Variants in MEGF8 observed in about 807,000 individuals in gnomAD.
The protein encoded by MEGF8 is multiple epidermal growth factor-like domains protein 8.
MEGF8 carries 156 observed loss-of-function variants against 302.9 expected under a neutral mutation model. The observed-to-expected ratio is 0.52, with a 90% CI of 0.45 to 0.59. MEGF8 has a LOEUF of 0.59. Ranked by LOEUF, MEGF8 falls within the 20% of genes least tolerant of loss-of-function variation. The pLI, the probability that MEGF8 is intolerant of heterozygous loss-of-function variation, is 0.00. For missense variants in MEGF8, 3,345 were observed against 3,964.5 expected (o/e 0.84, Z 4.20); for synonymous variants, 1,621 against 1,660.5 (o/e 0.98, Z 0.58).
chr19:42,344,398 A>C lies in MEGF8; in HGVS notation c.1789-43A>C. 2 of 1,534,908 alleles carry C rather than the reference A, an allele frequency of 1.3e-6. No homozygotes were observed. The highest frequency in any genetic ancestry group is 1.2e-5 in the South Asian group (1 of 82,714). ...CAGCCCTTCCTTCCCAGATCTCTTGAGCTCCAGTTGACAGTGAGCCCTTTC... is the reference window on the plus strand; with the variant it reads ...CAGCCCTTCCTTCCCAGATCTCTTGCGCTCCAGTTGACAGTGAGCCCTTTC... On this transcript the variant is annotated intron_variant, in intron 10 of 41. Transcript: ENST00000251268. This position sits in a 1 kb window ranked among gnomAD's most constrained non-coding sequence, Gnocchi z 4.5.
At chr19:42,355,273 T>A (rs1031564764) in intron 23 of MEGF8, among the ~76,000 whole-genome samples, 6 of 152,142 alleles carry the variant, frequency 3.9e-5, no homozygotes, top group African/African-American at 1.4e-4. Context: ...TATATATAAC[T>A]TTATTGAGGC....
Position 42,336,205 on chromosome 19 carries a change from T to G in MEGF8, c.1103T>G (p.Leu368Arg). 2 of 1,610,424 alleles carry G rather than the reference T, an allele frequency of 1.2e-6. No homozygotes were observed. Among genetic ancestry groups the G allele is most frequent in the Non-Finnish European group, 1.7e-6 (2 of 1,179,866 alleles). ...LFSSGLFRFR[L>R]DSTSGGYWEQ... Reference sequence around the variant, plus strand: ...TCCTCTGGCCTCTTCCGTTTCCGCCTTGACAGCACCAGCGGGGGCTATTGG... The same window carrying G: ...TCCTCTGGCCTCTTCCGTTTCCGCCGTGACAGCACCAGCGGGGGCTATTGG... Residue 368 changes from leucine (L) to arginine (R), a missense_variant, in exon 6 of 42, where the codon CTT (leucine) becomes CGT (arginine). Leu to Arg is a moderately radical substitution (Grantham distance 102). Transcript: ENST00000251268. The surrounding 1 kb of genome is among the most constrained non-coding windows in gnomAD (Gnocchi z 4.8).
rs761320396 is a variant in MEGF8, at chr19:42,356,389, G to A, written c.4558G>A (p.Asp1520Asn). The part of the protein sequence containing the change: ...RLGHTMVDGP[D>N]ATLWMFGGLG... ...GGGCCACACCATGGTGGATGGACCCGATGCCACCTTGTGGATGTTTGGGGG... is the reference window on the plus strand; with the variant it reads ...GGGCCACACCATGGTGGATGGACCCAATGCCACCTTGTGGATGTTTGGGGG... The change falls in exon 26 of 42, where the codon GAT becomes AAT. Residue 1520 changes from aspartate to asparagine, a missense_variant. Transcript: ENST00000251268. The surrounding 1 kb of genome is among the most constrained non-coding windows in gnomAD (Gnocchi z 5.2). 1.7e-5 allele frequency: 28 copies of A among 1,612,986 alleles called. No homozygotes were observed. Among genetic ancestry groups the A allele is most frequent in the African/African-American group, 8.0e-5 (6 of 74,894 alleles).
chr19:42,327,696 A>G (rs1336603947), intron 1 of MEGF8, among the ~76,000 whole-genome samples: 4 of 152,248 alleles, frequency 2.6e-5, no homozygotes, highest in African/African-American at 9.6e-5. Flanking sequence ...GATCAGAGGC[A>G]TCTGTACGAG....
intron 32 of MEGF8, among the ~76,000 whole-genome samples, chr19:42,361,258 C>T (rs2039528077): frequency 6.6e-6 from 1 of 152,112 alleles, no homozygotes; most frequent in Admixed American, 6.5e-5. Context: ...TTGAGACCAT[C>T]AGTGATTCAG....
At chr19:42,359,489 A>C (rs1021080927) in intron 31 of MEGF8, among the ~76,000 whole-genome samples, 1 of 152,126 alleles carries the variant, frequency 6.6e-6, no homozygotes, top group African/African-American at 2.4e-5. Context: ...TAGGAAAGAA[A>C]AAAAAACACC....
intron 31 of MEGF8, 58 bp downstream of exon 31, chr19:42,359,300 C>CAT: frequency 6.9e-7 from 1 of 1,457,358 alleles, no homozygotes; most frequent in Non-Finnish European, 9.1e-7. Flanking sequence ...AGCCCCATCC[C>CAT]CATCCTGGGA....
chr19:42,359,607 ATGTTGTGAGTGAC>A lies in MEGF8; in HGVS notation c.5488+377_5488+389del, dbSNP rs548117327. The stretch of plus-strand genomic sequence containing the variant: ...GCCTGTCACTTGCCTTTTTATTTCA[ATGTTGTGAGTGAC>A]TGTTGTGAGTGTGTTTCTGGGACTG... On this transcript the variant is annotated intron_variant, in intron 31 of 41. Coordinates refer to ENST00000251268, the MANE Select transcript of MEGF8 (RefSeq NM_001271938.2). Among the ~76,000 whole-genome samples the A allele has an allele frequency of 1.1e-4, 16 of 152,004 alleles. No individual in the cohort carries two copies. In the South Asian group the frequency reaches 3.1e-3, roughly 30 times the overall value.
intron 8 of MEGF8, among the ~76,000 whole-genome samples, chr19:42,339,131 G>A (rs547201411): frequency 1.1e-4 from 17 of 152,192 alleles, no homozygotes; most frequent in African/African-American, 3.9e-4. Flanking sequence ...AATGCGCCTG[G>A]CCTCCATTTT....
chr19:42,337,343 C>A (rs2039142248), intron 8 of MEGF8, 137 bp downstream of exon 8: 15 of 1,213,296 alleles, frequency 1.2e-5, no homozygotes, highest in Non-Finnish European at 1.6e-5. Context: ...AGGAGGCAAG[C>A]CTGGGATGGA....
intron 41 of MEGF8, among the ~76,000 whole-genome samples, chr19:42,374,652 G>C (rs1160947031): frequency 6.6e-6 from 1 of 152,120 alleles, no homozygotes; most frequent in Non-Finnish European, 1.5e-5. Flanking sequence ...CCTAGTATAT[G>C]GCAAGCACCG....
intron 12 of MEGF8, among the ~76,000 whole-genome samples, chr19:42,345,122 C>A (rs2039271043): frequency 6.6e-6 from 1 of 152,152 alleles, no homozygotes; most frequent in South Asian, 2.1e-4. Context: ...CAGATGCCCG[C>A]CACTGCGCCC....
Position 42,356,347 on chromosome 19 carries a change from C to A in MEGF8, c.4516C>A (p.Arg1506Ser). 6.2e-7 allele frequency: 1 copy of A among 1,612,514 alleles called. No homozygotes were observed. Among genetic ancestry groups the A allele is most frequent in the South Asian group, 1.1e-5 (1 of 90,686 alleles). The part of the protein sequence containing the change: ...DSRLSADTAS[R>S]FLHRLGHTMV... The stretch of plus-strand genomic sequence containing the variant: ...CACCCACCCCTAGGACACTGCCAGC[C>A]GCTTCCTGCACCGCCTGGGCCACAC... Residue 1506 changes from arginine (R) to serine (S), a missense_variant, in exon 26 of 42, where the codon CGC (arginine) becomes AGC (serine). By Grantham distance (110) the Arg-to-Ser change is moderately radical. Transcript: ENST00000251268. The surrounding 1 kb of genome is among the most constrained non-coding windows in gnomAD (Gnocchi z 5.2).
chr19:42,359,570 AGG>A (rs1272074427), intron 31 of MEGF8, among the ~76,000 whole-genome samples: 2 of 152,066 alleles, frequency 1.3e-5, no homozygotes, highest in Non-Finnish European at 2.9e-5. Flanking sequence ...TGCTGTTCAT[AGG>A]TAGAAGCATG....
chr19:42,328,796 C>T (rs146674202), intron 1 of MEGF8, among the ~76,000 whole-genome samples: 3 of 151,876 alleles, frequency 2.0e-5, no homozygotes, highest in East Asian at 3.9e-4. Context: ...ATTAGCCCTG[C>T]GTGGTGGCGC....
chr19:42,328,562 T>C (rs555005706), intron 1 of MEGF8, among the ~76,000 whole-genome samples: 2 of 122,540 alleles, frequency 1.6e-5, no homozygotes, highest in South Asian at 5.7e-4. Context: ...GAGAACAGAA[T>C]AGGAAGTGTG....
intron 34 of MEGF8, 36 bp from the exon 35 acceptor site, chr19:42,363,012 G>T: frequency 2.5e-6 from 4 of 1,573,098 alleles, no homozygotes; most frequent in Non-Finnish European, 2.6e-6. Flanking sequence ...GCGATCTCCT[G>T]GGTCTGAGGT....
chr19:42,356,497 G>C lies in MEGF8; in HGVS notation c.4622+44G>C, dbSNP rs565566649. 1.4e-6 allele frequency: 2 copies of C among 1,444,064 alleles called. No individual in the cohort carries two copies. Among genetic ancestry groups the C allele is most frequent in the South Asian group, 2.7e-5 (2 of 74,000 alleles). The allele number at this position is 1,444,064 out of a possible 1,614,324, so 89.5% of individuals were successfully genotyped here. On this transcript the variant is annotated intron_variant, in intron 26 of 41. Coordinates refer to ENST00000251268, the MANE Select transcript of MEGF8 (RefSeq NM_001271938.2). The surrounding 1 kb of genome is among the most constrained non-coding windows in gnomAD (Gnocchi z 5.2). ...AGGTGGGATTCGCAAATAAGAGAAG[G>C]TCACCTCGGGATGCTAAGAGTCACC...
chr19:42,329,922 T>C (rs1322103937), intron 1 of MEGF8, among the ~76,000 whole-genome samples: 3 of 152,050 alleles, frequency 2.0e-5, no homozygotes, highest in Non-Finnish European at 4.4e-5. Flanking sequence ...ACTTTTGTAT[T>C]ATGTTCATAC....
Sources: allele counts gnomAD v4.1 joint callset (sites outside exome capture counted in the v4.1 genomes callset), GRCh38; gene constraint gnomAD v4.1.1; non-coding constraint Gnocchi (gnomAD v3.1); transcripts MANE v1.5; gene names NCBI Gene and HGNC (gene_info 2026-07-23, HGNC 2026-07-21).